NRG2: variants seen among roughly 807,000 people sequenced by gnomAD.
NRG2 encodes the protein pro-neuregulin-2, membrane-bound isoform.
NRG2 carries 27 observed loss-of-function variants against 73.9 expected under a neutral mutation model. That is an observed-to-expected ratio of 0.37 (90% CI 0.27 to 0.50). The LOEUF is 0.50. Ranked by LOEUF, NRG2 falls within the 20% of genes least tolerant of loss-of-function variation. The pLI, the probability that NRG2 is intolerant of heterozygous loss-of-function variation, is 0.96. For missense variants in NRG2, 1,126 were observed against 1,210.1 expected (o/e 0.93, Z 1.03); for synonymous variants, 532 against 541.0 (o/e 0.98, Z 0.23).
chr5:139,943,962 G>A (rs264356), intron 1 of NRG2, among the ~76,000 whole-genome samples: 141,312 of 152,250 alleles, frequency 0.93, 65,697 homozygotes, highest in South Asian at 0.98. Flanking sequence ...TATGGACACA[G>A]TTTTGAATTT....
At chr5:139,961,481 C>T (rs902423327) in intron 1 of NRG2, among the ~76,000 whole-genome samples, 2 of 152,110 alleles carry the variant, frequency 1.3e-5, no homozygotes, top group African/African-American at 4.8e-5. Context: ...GCTGCTGCAG[C>T]CAGAAGAATA....
At chr5:139,962,035 C>T (rs1012366900) in intron 1 of NRG2, among the ~76,000 whole-genome samples, 1 of 152,148 alleles carries the variant, frequency 6.6e-6, no homozygotes, top group Non-Finnish European at 1.5e-5. Flanking sequence ...ATTTAGATAG[C>T]CGGGTGGCAG....
chr5:139,982,530 A>C (rs1756881965), intron 1 of NRG2, among the ~76,000 whole-genome samples: 1 of 152,104 alleles, frequency 6.6e-6, no homozygotes, highest in Non-Finnish European at 1.5e-5. Flanking sequence ...CACATTGTTC[A>C]TTAGTTAGTT....
chr5:139,880,724 T>A, intron 3 of NRG2, 132 bp downstream of exon 3: 1 of 647,056 alleles, frequency 1.5e-6, no homozygotes, highest in East Asian at 2.8e-5. Context: ...ATCTAGGGCT[T>A]GATATGGCAG....
chr5:140,034,875 A>G (rs535196905), intron 1 of NRG2, among the ~76,000 whole-genome samples: 3 of 152,286 alleles, frequency 2.0e-5, no homozygotes, highest in African/African-American at 7.2e-5. Context: ...GCCTTCAAAT[A>G]CTACTTACAT....
intron 3 of NRG2, among the ~76,000 whole-genome samples, chr5:139,880,448 C>T (rs1018655488): frequency 6.6e-6 from 1 of 152,144 alleles, no homozygotes; most frequent in African/African-American, 2.4e-5. Context: ...GTGGAGATGG[C>T]TGCCTGTGCT....
intron 1 of NRG2, among the ~76,000 whole-genome samples, chr5:140,024,014 T>C (rs1760457790): frequency 6.6e-6 from 1 of 151,760 alleles, no homozygotes; most frequent in South Asian, 2.1e-4. Context: ...AAGCCAAAGG[T>C]CAAACAGACG....
At chr5:139,953,588 C>G (rs1033677176) in intron 1 of NRG2, among the ~76,000 whole-genome samples, 3 of 152,160 alleles carry the variant, frequency 2.0e-5, no homozygotes, top group Non-Finnish European at 4.4e-5. Context: ...GGGCACTGCA[C>G]TAGGGCCCAG....
chr5:139,931,238 A>T (rs1378132499), intron 1 of NRG2, among the ~76,000 whole-genome samples: 1 of 152,262 alleles, frequency 6.6e-6, no homozygotes, highest in Non-Finnish European at 1.5e-5. Context: ...GAAAAGACAT[A>T]TTCCCAATCC....
intron 1 of NRG2, among the ~76,000 whole-genome samples, chr5:139,966,932 T>C (rs1755564960): frequency 6.6e-6 from 1 of 152,146 alleles, no homozygotes; most frequent in African/African-American, 2.4e-5. Context: ...TTACAGGAAC[T>C]GCTCAAAAAA....
intron 1 of NRG2, among the ~76,000 whole-genome samples, chr5:139,989,207 C>G (rs1280097330): frequency 2.0e-5 from 3 of 151,986 alleles, no homozygotes; most frequent in Non-Finnish European, 2.9e-5. Flanking sequence ...GGAATAGATT[C>G]TGATTCTGTT....
chr5:140,009,416 A>C (rs916058416), intron 1 of NRG2, among the ~76,000 whole-genome samples: 19 of 152,362 alleles, frequency 1.2e-4, no homozygotes, highest in African/African-American at 3.8e-4. Flanking sequence ...TACAGGAGGC[A>C]CTTTAAAAAA....
intron 1 of NRG2, among the ~76,000 whole-genome samples, chr5:139,978,537 C>T (rs865831756): frequency 3.3e-5 from 5 of 152,106 alleles, no homozygotes; most frequent in South Asian, 4.2e-4. Context: ...GTCAGTGTGG[C>T]GATTCCTCAG....
At position 140,043,065 on chromosome 5, in the gene NRG2, C is replaced by A; in HGVS notation, c.5G>T (p.Arg2Leu). 2 of 1,561,832 alleles carry A rather than the reference C, an allele frequency of 1.3e-6. No homozygotes were observed. Among genetic ancestry groups the A allele is most frequent in the Non-Finnish European group, 1.7e-6 (2 of 1,162,554 alleles). Residue 2 changes from arginine (R) to leucine (L), a missense_variant, in exon 1 of 10, where the codon CGG becomes CTG. Arg to Leu is a moderately radical substitution (Grantham distance 102). This residue lies in a region of NRG2 where 185 missense variants were observed against 149.0 expected (regional missense o/e 1.24). Transcript: ENST00000361474. This position sits in a 1 kb window ranked among gnomAD's most constrained non-coding sequence, Gnocchi z 6.7. ...CGGCAGCGCTGAGCAGCAAACCTGCCGCATCTGGCCAGGCCATTTGGGGGG... is the reference window on the plus strand; with the variant it reads ...CGGCAGCGCTGAGCAGCAAACCTGCAGCATCTGGCCAGGCCATTTGGGGGG... M[R>L]QVCCSALPPP...
At chr5:139,938,070 C>A (rs76655244) in intron 1 of NRG2, among the ~76,000 whole-genome samples, 8 of 152,098 alleles carry the variant, frequency 5.3e-5, no homozygotes, top group African/African-American at 1.9e-4. Flanking sequence ...CAGAGTGACA[C>A]CTTGTCTACG....
intron 1 of NRG2, among the ~76,000 whole-genome samples, chr5:139,955,139 G>T (rs575145557): frequency 4.1e-4 from 63 of 152,338 alleles, no homozygotes; most frequent in South Asian, 1.2e-3. Context: ...ACAGTCTTGA[G>T]AAAGTCAAAC....
At chr5:140,000,486 G>GAGCCCCTGAACCGAGCCAGGT (rs1758360903) in intron 1 of NRG2, among the ~76,000 whole-genome samples, 2 of 152,232 alleles carry the variant, frequency 1.3e-5, no homozygotes, top group African/African-American at 4.8e-5. Flanking sequence ...GTGAGCCAGG[G>GAGCCCCTGAACCGAGCCAGGT]AGCCCCTGAA....
chr5:139,866,986 T>G (rs1762508108), intron 4 of NRG2, among the ~76,000 whole-genome samples: 1 of 152,236 alleles, frequency 6.6e-6, no homozygotes, highest in African/African-American at 2.4e-5. Flanking sequence ...CCTCTGCATC[T>G]TCTTCCTTAG....
intron 1 of NRG2, among the ~76,000 whole-genome samples, chr5:139,964,676 C>T (rs765517386): frequency 5.3e-5 from 8 of 152,210 alleles, no homozygotes; most frequent in Non-Finnish European, 2.9e-5. Context: ...TTAGACTCCT[C>T]CGTCAGAGAG....
Sources: allele counts gnomAD v4.1 joint callset (sites outside exome capture counted in the v4.1 genomes callset), GRCh38; gene constraint gnomAD v4.1.1; regional missense constraint gnomAD v4.1.1; non-coding constraint Gnocchi (gnomAD v3.1); transcripts MANE v1.5; gene names NCBI Gene and HGNC (gene_info 2026-07-23, HGNC 2026-07-21).